CCDC13: variants seen among roughly 807,000 people sequenced by gnomAD.
CCDC13 encodes the protein coiled-coil domain containing 13, also known as coiled-coil domain-containing protein 13.
Under a neutral mutation model 87.3 loss-of-function variants are expected in CCDC13, and 70 were observed. The ratio of observed to expected loss-of-function variants is 0.80; its 90% CI spans 0.66 to 0.98. The LOEUF is 0.98. Among genes scored for constraint, CCDC13 ranks in the 50% least tolerant of loss-of-function variants. The pLI is 0.00. For synonymous variants in CCDC13, 317 were observed against 360.3 expected, an observed-to-expected ratio of 0.88 and a Z score of 1.36; for missense variants, 842 against 892.0, an observed-to-expected ratio of 0.94 and a Z score of 0.71.
At position 42,739,666 on chromosome 3, in the gene CCDC13, G is replaced by A. The variant is rs756534911; in HGVS notation, c.1132C>T (p.Arg378Trp). 2.0e-5 allele frequency: 32 copies of A among 1,614,022 alleles called. No homozygotes were observed. Among genetic ancestry groups the A allele is most frequent in the South Asian group, 1.1e-4 (10 of 91,090 alleles). The stretch of plus-strand genomic sequence containing the variant: ...GCGTCGATGAGCTCGTCATCATGCC[G>A]GCCCTTCTCCACCAGGGTTCCCATC... ...SQMGTLVEKGRHDDELIDALM... is the reference protein window; with the variant it reads ...SQMGTLVEKGWHDDELIDALM... Residue 378 changes from arginine to tryptophan, a missense_variant, in exon 9 of 16, where the codon CGG becomes TGG. Arg to Trp is a moderately radical substitution (Grantham distance 101). Transcript: ENST00000310232.
chr3:42,743,161 C>G, intron 7 of CCDC13, 104 bp from the exon 8 acceptor site: 1 of 1,324,500 alleles, frequency 7.6e-7, no homozygotes, highest in South Asian at 1.4e-5. Flanking sequence ...AACCACCTCT[C>G]TAGATGGCTG....
chr3:42,750,218 T>C (rs908170920), intron 5 of CCDC13, among the ~76,000 whole-genome samples: 31 of 152,248 alleles, frequency 2.0e-4, no homozygotes, highest in African/African-American at 5.8e-4. Flanking sequence ...TGGGCTGCAG[T>C]CAAATGTTAT....
intron 1 of CCDC13, chr3:42,771,189 G>A (rs1191440991): frequency 6.6e-6 from 1 of 152,202 alleles, no homozygotes; most frequent in African/African-American, 2.4e-5. Flanking sequence ...GTATTGTTAA[G>A]TGAAGAAGCC....
In CCDC13 at chr3:42,706,160, T is replaced by C. The variant is rs1698173444; in HGVS notation, c.*2820A>G. On this transcript the variant is annotated 3_prime_UTR_variant, in exon 16 of 16. Transcript: ENST00000310232. Reference sequence around the variant, plus strand: ...AGGCCTGGAGAGGCTGGCATGCTGTTGGCACTCACTGACTGCCTGGTGGCC... The same window carrying C: ...AGGCCTGGAGAGGCTGGCATGCTGTCGGCACTCACTGACTGCCTGGTGGCC... The C allele has an allele frequency of 6.6e-6, 1 of 152,398 alleles. No individual in the cohort carries two copies. Among genetic ancestry groups the C allele is most frequent in the African/African-American group, 2.4e-5 (1 of 41,484 alleles). 9.4% of individuals were successfully genotyped at this position (152,398 alleles called of 1,614,324 possible). A position where few individuals can be genotyped will look rare whatever the true frequency, so the allele number is the denominator to read the frequency against.
intron 1 of CCDC13, among the ~76,000 whole-genome samples, chr3:42,768,828 G>T (rs1375504673): frequency 1.3e-5 from 2 of 151,920 alleles, no homozygotes; most frequent in South Asian, 2.1e-4. Flanking sequence ...TTAATAATAA[G>T]AAAATACCCC....
chr3:42,738,631 C>T (rs1458785484), intron 9 of CCDC13, among the ~76,000 whole-genome samples: 3 of 152,106 alleles, frequency 2.0e-5, no homozygotes, highest in Non-Finnish European at 2.9e-5. Context: ...CTTCACATCC[C>T]TTTTAAGTTG....
At chr3:42,753,170 T>A (rs1294855453) in intron 3 of CCDC13, among the ~76,000 whole-genome samples, 1 of 152,182 alleles carries the variant, frequency 6.6e-6, no homozygotes, top group African/African-American at 2.4e-5. Context: ...GGTAGAGGCT[T>A]GAAAAGCACT....
chr3:42,731,737 G>A (rs1698837761), intron 12 of CCDC13, among the ~76,000 whole-genome samples: 1 of 152,150 alleles, frequency 6.6e-6, no homozygotes, highest in African/African-American at 2.4e-5. Context: ...GAAGGGAATG[G>A]GTTCAAACCA....
chr3:42,705,528 G>C (rs1042353454), downstream of CCDC13, among the ~76,000 whole-genome samples: 4 of 152,294 alleles, frequency 2.6e-5, no homozygotes, highest in South Asian at 6.2e-4. Context: ...GTGGCAGGGA[G>C]AGCCCTCACT....
chr3:42,756,967 G>T, intron 3 of CCDC13, 99 bp downstream of exon 3: 1 of 1,191,012 alleles, frequency 8.4e-7, no homozygotes, highest in Non-Finnish European at 1.2e-6. Flanking sequence ...ACTGACCCTT[G>T]GCACTCTCTT....
intron 1 of CCDC13, among the ~76,000 whole-genome samples, chr3:42,768,699 A>T (rs199907870): frequency 0.015 from 18 of 1,224 alleles, no homozygotes; most frequent in East Asian, 0.5. Flanking sequence ...TCAAAAAATA[A>T]AAAAAAATAA....
Position 42,751,964 on chromosome 3 carries a change from G to A in CCDC13, c.575C>T (p.Pro192Leu), listed in dbSNP as rs200384515. The A allele has an allele frequency of 9.3e-6, 15 of 1,611,766 alleles. No homozygotes were observed. The highest frequency in any genetic ancestry group is 4.0e-5 in the African/African-American group (3 of 75,048). ...KGATDAGAKPPRAQMGDRALL... is the reference protein window; with the variant it reads ...KGATDAGAKPLRAQMGDRALL... ...TGCTCTGTCTCCCATCTGGGCCCTC[G>A]GTGGCTTGGCTCCTGCGTCGGTGGC... Residue 192 changes from proline (P) to leucine (L), a missense_variant, in exon 5 of 16, where the codon CCG (proline) becomes CTG (leucine). By Grantham distance (98) the Pro-to-Leu change is moderately conservative. Transcript: ENST00000310232.
rs538466426 is a variant in CCDC13, at chr3:42,709,485, G to A, written c.1988+199C>T. On this transcript the variant is annotated intron_variant, in intron 15 of 15. Transcript: ENST00000310232. The stretch of plus-strand genomic sequence containing the variant: ...TGATAAAATTTCTCTTGGACTATGG[G>A]TCATTGGGGTTTGGGCCGGGCCCTC... Among the ~76,000 whole-genome samples the A allele has an allele frequency of 1.1e-4, 16 of 152,344 alleles. No homozygotes were observed. In the South Asian group the frequency reaches 2.3e-3, roughly 22 times the overall value.
At chr3:42,734,753 C>T (rs954162901) in intron 10 of CCDC13, among the ~76,000 whole-genome samples, 3 of 152,236 alleles carry the variant, frequency 2.0e-5, no homozygotes, top group African/African-American at 7.2e-5. Flanking sequence ...GCTCCTTTGT[C>T]ACTGGGAGAC....
intron 1 of CCDC13, among the ~76,000 whole-genome samples, chr3:42,762,289 C>A (rs1434268071): frequency 6.6e-6 from 1 of 152,230 alleles, no homozygotes; most frequent in Non-Finnish European, 1.5e-5. Context: ...ACTCTGAAAA[C>A]CTGTATTGTG....
intron 10 of CCDC13, 142 bp downstream of exon 10, chr3:42,735,565 G>A (rs1698980650): frequency 5.0e-6 from 4 of 795,502 alleles, no homozygotes; most frequent in South Asian, 4.7e-5. Flanking sequence ...GGGTTGGGGA[G>A]CCAGATAGAA....
chr3:42,749,835 C>T (rs1171500699), intron 5 of CCDC13: 1 of 456,246 alleles, frequency 2.2e-6, no homozygotes, highest in Non-Finnish European at 4.4e-6. Flanking sequence ...CCTCCTGAAG[C>T]CCCAAGCAGA....
chr3:42,740,023 C>T (rs1293618505), intron 8 of CCDC13, among the ~76,000 whole-genome samples: 1 of 152,148 alleles, frequency 6.6e-6, no homozygotes, highest in Admixed American at 6.5e-5. Flanking sequence ...CTTCCCCTAG[C>T]ACATGACAGC....
chr3:42,744,105 G>A (rs888887042), intron 7 of CCDC13, among the ~76,000 whole-genome samples: 6 of 152,148 alleles, frequency 3.9e-5, no homozygotes, highest in Non-Finnish European at 7.3e-5. Context: ...CAGTTCTAGC[G>A]GAAGGGACAT....
Sources: allele counts gnomAD v4.1 joint callset (sites outside exome capture counted in the v4.1 genomes callset), GRCh38; gene constraint gnomAD v4.1.1; transcripts MANE v1.5; gene names NCBI Gene and HGNC (gene_info 2026-07-23, HGNC 2026-07-21).